SPOCK3: variants seen among roughly 807,000 people sequenced by gnomAD.
The protein encoded by SPOCK3 is SPARC (osteonectin), cwcv and kazal like domains proteoglycan 3, also known as testican-3.
A neutral mutation model predicts 56.6 loss-of-function variants in SPOCK3; 30 were observed. The observed-to-expected ratio is 0.53, with a 90% CI of 0.40 to 0.72. The LOEUF (loss-of-function observed/expected upper bound fraction) is 0.72. SPOCK3 is among the 30% of genes least tolerant of loss of function. The pLI is 0.00. For missense variants in SPOCK3, 527 were observed against 530.0 expected, an observed-to-expected ratio of 0.99 and a Z score of 0.06; for synonymous variants, 196 against 183.3, an observed-to-expected ratio of 1.07 and a Z score of -0.56.
At chr4:167,112,790 C>A (rs1476398130) in intron 2 of SPOCK3, among the ~76,000 whole-genome samples, 2 of 151,598 alleles carry the variant, frequency 1.3e-5, no homozygotes, top group African/African-American at 4.9e-5. Flanking sequence ...GGAGAGACCC[C>A]ATCAAAAATT....
At position 167,234,183 on chromosome 4, in the gene SPOCK3, G is replaced by A. The variant is rs1366063308; in HGVS notation, c.1-10C>T. 1.3e-6 allele frequency: 2 copies of A among 1,592,448 alleles called. No homozygotes were observed. Among genetic ancestry groups the A allele is most frequent in the Non-Finnish European group, 1.7e-6 (2 of 1,161,986 alleles). ...CTGACACCTTGAGCATCTGGGAGAG[G>A]AGACACAACGGGGGGTGGGGGGGCA... On this transcript the variant is annotated splice_polypyrimidine_tract_variant and intron_variant, in intron 1 of 10. Coordinates refer to ENST00000357545, the MANE Select transcript of SPOCK3 (RefSeq NM_001040159.2).
intron 8 of SPOCK3, among the ~76,000 whole-genome samples, 175 bp from the exon 9 acceptor site, chr4:166,742,234 C>CTATCTATCTATCT (rs1553961145): frequency 4.9e-5 from 6 of 121,960 alleles, no homozygotes; most frequent in East Asian, 4.1e-4. Context: ...GTCTATCTAT[C>CTATCTATCTATCT]ATCTATCTAT....
chr4:166,804,486 G>A (rs1024896637), intron 6 of SPOCK3, among the ~76,000 whole-genome samples: 7 of 152,110 alleles, frequency 4.6e-5, no homozygotes, highest in African/African-American at 1.7e-4. Flanking sequence ...CATAACAGTA[G>A]ACAAGCCCTG....
intron 6 of SPOCK3, among the ~76,000 whole-genome samples, chr4:166,843,199 C>A (rs891920205): frequency 6.6e-6 from 1 of 152,184 alleles, no homozygotes; most frequent in African/African-American, 2.4e-5. Flanking sequence ...ACAGAGGGAG[C>A]CAGCTCCAGC....
rs1203074796 is a variant in SPOCK3 at position 166,829,205 on chromosome 4, A to G, written c.590-36916T>C. On this transcript the variant is annotated intron_variant, in intron 6 of 10. Coordinates refer to ENST00000357545, the MANE Select transcript of SPOCK3 (RefSeq NM_001040159.2). ...TTATAAAGTATACATAACATATCAG[A>G]TTAACATGGCTCGACACATCCAAAA... 3.3e-5 allele frequency among the ~76,000 whole-genome samples: 5 copies of G among 152,196 alleles called. No individual in the cohort carries two copies. The East Asian group carries it at 9.7e-4, about 29-fold the overall frequency.
At chr4:166,911,559 C>T (rs1737274047) in intron 5 of SPOCK3, among the ~76,000 whole-genome samples, 1 of 152,014 alleles carries the variant, frequency 6.6e-6, no homozygotes, top group African/African-American at 2.4e-5. Context: ...TTTTTTGAGA[C>T]AGAGTTTTGC....
intron 6 of SPOCK3, among the ~76,000 whole-genome samples, chr4:166,850,027 G>T (rs1333085745): frequency 8.4e-6 from 1 of 118,614 alleles, no homozygotes; most frequent in Non-Finnish European, 1.9e-5. Context: ...ATAATGGAAA[G>T]AATGCTACTA....
chr4:167,082,934 C>T (rs578190994), intron 2 of SPOCK3, among the ~76,000 whole-genome samples: 1 of 151,686 alleles, frequency 6.6e-6, no homozygotes, highest in East Asian at 2.0e-4. Flanking sequence ...ACCGTGATAC[C>T]GGAAACTGAT....
At chr4:167,131,153 T>C (rs1034329093) in intron 2 of SPOCK3, among the ~76,000 whole-genome samples, 4 of 151,930 alleles carry the variant, frequency 2.6e-5, no homozygotes, top group African/African-American at 4.8e-5. Context: ...GTGAGTGACA[T>C]AGCCAGGATT....
intron 6 of SPOCK3, among the ~76,000 whole-genome samples, chr4:166,856,046 AAGTATG>A (rs745535418): frequency 3.0e-4 from 45 of 152,288 alleles, no homozygotes; most frequent in Non-Finnish European, 6.0e-4. Context: ...ACAGCAAGAT[AAGTATG>A]GCAGACAGAA....
intron 2 of SPOCK3, among the ~76,000 whole-genome samples, chr4:167,211,730 C>T (rs1734898007): frequency 6.6e-6 from 1 of 152,144 alleles, no homozygotes; most frequent in Non-Finnish European, 1.5e-5. Context: ...CATTAAACCT[C>T]TTTCTTTTGT....
intron 4 of SPOCK3, among the ~76,000 whole-genome samples, chr4:166,913,399 C>A (rs1305348575): frequency 6.6e-6 from 1 of 152,000 alleles, no homozygotes; most frequent in Non-Finnish European, 1.5e-5. Flanking sequence ...TTGCTTTATT[C>A]CTTTGCCTAT....
chr4:166,765,776 G>C (rs1579155235), intron 7 of SPOCK3, among the ~76,000 whole-genome samples: 1 of 152,332 alleles, frequency 6.6e-6, no homozygotes, highest in African/African-American at 2.4e-5. Context: ...ATTACCTTGG[G>C]CAGTATGCCC....
At chr4:167,143,338 A>G (rs1246471878) in intron 2 of SPOCK3, among the ~76,000 whole-genome samples, 1 of 151,982 alleles carries the variant, frequency 6.6e-6, no homozygotes, top group African/African-American at 2.4e-5. Flanking sequence ...ATGGATTCAG[A>G]GAAACATGGA....
intron 2 of SPOCK3, among the ~76,000 whole-genome samples, chr4:167,227,513 T>C (rs751665688): frequency 3.3e-5 from 5 of 152,040 alleles, no homozygotes; most frequent in Non-Finnish European, 7.4e-5. Context: ...TAATGCTAGG[T>C]GAGTTGTAGG....
intron 3 of SPOCK3, among the ~76,000 whole-genome samples, chr4:167,059,954 C>T (rs531300621): frequency 1.1e-4 from 16 of 148,720 alleles, no homozygotes; most frequent in South Asian, 2.1e-4. Context: ...TTGAACAATG[C>T]GAACACATGG....
At chr4:167,171,248 G>GTGTA (rs2150466632) in intron 2 of SPOCK3, among the ~76,000 whole-genome samples, 1 of 152,168 alleles carries the variant, frequency 6.6e-6, no homozygotes, top group African/African-American at 2.4e-5. Flanking sequence ...CACATTAAAG[G>GTGTA]TGTAGAATGT....
intron 3 of SPOCK3, among the ~76,000 whole-genome samples, chr4:167,029,550 A>T (rs1752064282): frequency 6.6e-6 from 1 of 152,096 alleles, no homozygotes; most frequent in Non-Finnish European, 1.5e-5. Flanking sequence ...ATTTAACTAA[A>T]TACAGAATTG....
At chr4:167,130,206 T>C (rs1580384577) in intron 2 of SPOCK3, among the ~76,000 whole-genome samples, 1 of 152,026 alleles carries the variant, frequency 6.6e-6, no homozygotes, top group Non-Finnish European at 1.5e-5. Flanking sequence ...CCTCAAGCAA[T>C]CCTCCTGCCT....
Sources: allele counts gnomAD v4.1 joint callset (sites outside exome capture counted in the v4.1 genomes callset), GRCh38; gene constraint gnomAD v4.1.1; transcripts MANE v1.5; gene names NCBI Gene and HGNC (gene_info 2026-07-23, HGNC 2026-07-21).